MAPK6: variants seen among roughly 807,000 people sequenced by gnomAD.
The protein encoded by MAPK6 is mitogen-activated protein kinase 6, also known as ERK-3.
MAPK6 carries 19 observed loss-of-function variants against 59.3 expected under a neutral mutation model. The ratio of observed to expected loss-of-function variants is 0.32; its 90% CI spans 0.22 to 0.47. The LOEUF (loss-of-function observed/expected upper bound fraction) is 0.47. Ranked by LOEUF, MAPK6 falls within the 20% of genes least tolerant of loss-of-function variation. The probability of loss-of-function intolerance (pLI) is 1.00; values close to 1 mark genes in which losing one functional copy is unlikely to be tolerated. For synonymous variants in MAPK6, 316 were observed against 290.3 expected (o/e 1.09, Z -0.90); for missense variants, 724 against 847.9 (o/e 0.85, Z 1.81).
At chr15:52,000,778 C>T (rs146094444) in intron 2 of MAPK6, among the ~76,000 whole-genome samples, 15 of 150,986 alleles carry the variant, frequency 9.9e-5, no homozygotes, top group African/African-American at 2.4e-4. Flanking sequence ...CCAGCTTGGG[C>T]GACAGAGAGA....
At chr15:52,047,060 C>G in intron 2 of MAPK6, 45 bp downstream of exon 2, 1 of 1,354,756 alleles carries the variant, frequency 7.4e-7, no homozygotes. Flanking sequence ...AACTGATACA[C>G]CTAATCAGGA....
intron 1 of MAPK6, among the ~76,000 whole-genome samples, chr15:52,026,589 G>A (rs1303779725): frequency 6.6e-6 from 1 of 152,068 alleles, no homozygotes; most frequent in Non-Finnish European, 1.5e-5. Context: ...ACCGTGCCTG[G>A]CCTTAACCTC....
intron 1 of MAPK6, among the ~76,000 whole-genome samples, chr15:52,033,545 C>T (rs940418678): frequency 4.6e-5 from 7 of 152,188 alleles, no homozygotes; most frequent in African/African-American, 1.7e-4. Context: ...GGTTCTCCAG[C>T]CTTCAGCCAC....
At chr15:52,026,602 A>G (rs764429198) in intron 1 of MAPK6, among the ~76,000 whole-genome samples, 13 of 151,902 alleles carry the variant, frequency 8.6e-5, no homozygotes, top group African/African-American at 1.9e-4. Flanking sequence ...TTAACCTCCC[A>G]CCTTATGCAG....
At chr15:52,063,825 T>G (rs1200607025) in intron 5 of MAPK6, 77 bp from the exon 6 acceptor site, 4 of 1,322,796 alleles carry the variant, frequency 3.0e-6, no homozygotes, top group Non-Finnish European at 2.1e-6. Context: ...CACAGTGCTG[T>G]CACATAGAAG....
At chr15:52,000,588 G>A (rs1434480444) in intron 2 of MAPK6, among the ~76,000 whole-genome samples, 2 of 151,966 alleles carry the variant, frequency 1.3e-5, no homozygotes, top group African/African-American at 2.4e-5. Context: ...CAGGCAGATC[G>A]CAACTTCAGG....
chr15:51,980,479 C>T (rs1407282814), intron 1 of MAPK6, among the ~76,000 whole-genome samples: 2 of 147,530 alleles, frequency 1.4e-5, no homozygotes, highest in African/African-American at 5.0e-5. Flanking sequence ...TGTTGAACTA[C>T]AATTTTCCTA....
chr15:52,002,448 G>C (rs2141825056), intron 2 of MAPK6, among the ~76,000 whole-genome samples: 1 of 152,338 alleles, frequency 6.6e-6, no homozygotes, highest in Middle Eastern at 3.4e-3. Context: ...GACTGTGGTA[G>C]TTTGGGTTTT....
chr15:52,012,793 C>A (rs2030089881), intron 3 of MAPK6, among the ~76,000 whole-genome samples: 1 of 151,368 alleles, frequency 6.6e-6, no homozygotes. Context: ...TCGAGACCAG[C>A]CTGGCCAATA....
chr15:52,062,065 G>A (rs942547239), intron 5 of MAPK6, among the ~76,000 whole-genome samples: 7 of 149,276 alleles, frequency 4.7e-5, no homozygotes, highest in South Asian at 2.1e-4. Context: ...ATTAGATGCA[G>A]GATTTTTTTT....
At chr15:51,976,391 A>G (rs944549874) in intron 1 of MAPK6, among the ~76,000 whole-genome samples, 1 of 151,742 alleles carries the variant, frequency 6.6e-6, no homozygotes, top group African/African-American at 2.4e-5. Flanking sequence ...GATTCAAACT[A>G]TATTAATGAA....
At chr15:52,063,725 A>G (rs1258130726) in intron 5 of MAPK6, among the ~76,000 whole-genome samples, 177 bp from the exon 6 acceptor site, 1 of 152,214 alleles carries the variant, frequency 6.6e-6, no homozygotes, top group African/African-American at 2.4e-5. Flanking sequence ...ATTACCAAAT[A>G]TATTAACAGA....
At chr15:51,991,986 T>C (rs1313743975) in intron 2 of MAPK6, among the ~76,000 whole-genome samples, 1 of 152,210 alleles carries the variant, frequency 6.6e-6, no homozygotes, top group African/African-American at 2.4e-5. Context: ...AGACTGGGTC[T>C]CGCTCTGTCA....
intron 2 of MAPK6, among the ~76,000 whole-genome samples, chr15:51,984,447 A>ATTTTTTTTTTTTTTTTTTTT (rs71130112): frequency 1.9e-4 from 13 of 69,974 alleles, no homozygotes; most frequent in African/African-American, 6.0e-4. Context: ...ACGCCGGCTA[A>ATTTTTTTTTTTTTTTTTTTT]TTTTTTTTTT....
chr15:52,043,742 A>ATTTTTG (rs2031504945), intron 1 of MAPK6, among the ~76,000 whole-genome samples: 1 of 40,630 alleles, frequency 2.5e-5, no homozygotes, highest in Non-Finnish European at 4.4e-5. Context: ...AAGTTGTTTG[A>ATTTTTG]TTTTTTTTTT....
chr15:52,031,323 A>G (rs1471921657), intron 1 of MAPK6, among the ~76,000 whole-genome samples: 2 of 152,204 alleles, frequency 1.3e-5, no homozygotes, highest in South Asian at 2.1e-4. Flanking sequence ...ATAAAAAAAT[A>G]AGTTACAGTG....
At chr15:52,002,808 G>A (rs545079890) in intron 2 of MAPK6, among the ~76,000 whole-genome samples, 42 of 152,282 alleles carry the variant, frequency 2.8e-4, no homozygotes, top group African/African-American at 9.6e-4. Flanking sequence ...CAATCATGGC[G>A]GAAGAGGAAG....
At chr15:52,013,088 G>A (rs1422219325) in intron 3 of MAPK6, among the ~76,000 whole-genome samples, 1 of 126,512 alleles carries the variant, frequency 7.9e-6, no homozygotes, top group Non-Finnish European at 1.6e-5. Context: ...GGGAAAATCT[G>A]TATTGCTTTT....
intron 1 of MAPK6, among the ~76,000 whole-genome samples, chr15:52,038,556 A>T (rs567619539): frequency 2.4e-4 from 37 of 152,308 alleles, no homozygotes; most frequent in African/African-American, 8.4e-4. Context: ...CATGAGCAAG[A>T]CTTAGATTTT....
Sources: gnomAD v4.1 joint callset for allele counts (sites outside exome capture counted in the v4.1 genomes callset) on GRCh38, gnomAD v4.1.1 for gene constraint, MANE v1.5 for transcripts, NCBI Gene and HGNC (gene_info 2026-07-23, HGNC 2026-07-21) for gene names.